The following FABP3 variants were observed in gnomAD, a reference collection of about 807,000 sequenced individuals.
FABP3 encodes fatty acid-binding protein, heart.
Under a neutral mutation model 13.4 loss-of-function variants are expected in FABP3, and 8 were observed. That is an observed-to-expected ratio of 0.60 (90% confidence interval 0.35 to 1.07). The LOEUF (loss-of-function observed/expected upper bound fraction) is 1.07, where lower values mean the gene tolerates loss of function less well. Ranked by LOEUF, FABP3 falls within the 50% of genes least tolerant of loss-of-function variation. The probability of loss-of-function intolerance (pLI) is 0.02; values close to 1 mark genes in which losing one functional copy is unlikely to be tolerated. For missense variants in FABP3, 135 were observed against 164.7 expected, an observed-to-expected ratio of 0.82 and a Z score of 0.99; for synonymous variants, 64 against 60.0, an observed-to-expected ratio of 1.07 and a Z score of -0.31.
At chr1:31,364,133 C>G (rs1442249258), downstream of FABP3, 3 of 1,613,824 alleles carry the variant, frequency 1.9e-6, no homozygotes, top group East Asian at 2.2e-5. Flanking sequence ...CATCAAAAGA[C>G]AGCAAGGCAG....
At chr1:31,366,351 C>T (rs1240214190) in intron 3 of FABP3, among the ~76,000 whole-genome samples, 1 of 152,140 alleles carries the variant, frequency 6.6e-6, no homozygotes, top group East Asian at 1.9e-4. Flanking sequence ...TGGCTACTAA[C>T]TCCAATCCTT....
intron 1 of FABP3, among the ~76,000 whole-genome samples, chr1:31,370,068 C>T (rs1205990449): frequency 2.0e-5 from 3 of 147,212 alleles, no homozygotes; most frequent in African/African-American, 7.6e-5. Context: ...TGTGCCACTG[C>T]ACTCCAGCCT....
chr1:31,372,287 C>T (rs1640221759), intron 1 of FABP3, among the ~76,000 whole-genome samples: 1 of 152,124 alleles, frequency 6.6e-6, no homozygotes, highest in Admixed American at 6.5e-5. Flanking sequence ...GGGCCTCTTG[C>T]CCCACCCTAC....
chr1:31,367,838 C>G (rs1029979863), intron 2 of FABP3, among the ~76,000 whole-genome samples: 5 of 152,196 alleles, frequency 3.3e-5, no homozygotes, highest in African/African-American at 1.2e-4. Context: ...GTAGCCTGGT[C>G]CCCTCAGATA....
Position 31,369,544 on chromosome 1 carries a change from A to T in FABP3, c.87T>A (p.Ala29=). Residue 29 remains alanine (A), a synonymous_variant, in exon 2 of 4, where the codon GCT becomes GCA. Coordinates refer to ENST00000373713, the MANE Select transcript of FABP3 (RefSeq NM_004102.5). ...DYMKSLGVGF[A]TRQVASMTKP... ...TGGTCATGCTGGCCACCTGCCTGGT[A>T]GCAAAACCCACACCTGAGGGTAGGG... 6.2e-7 allele frequency: 1 copy of T among 1,614,120 alleles called. No individual in the cohort carries two copies. The highest frequency in any genetic ancestry group is 8.5e-7 in the Non-Finnish European group (1 of 1,179,994).
intron 1 of FABP3, among the ~76,000 whole-genome samples, chr1:31,370,919 TG>T (rs1468744685): frequency 6.6e-6 from 1 of 152,252 alleles, no homozygotes; most frequent in East Asian, 1.9e-4. Context: ...CTACATGGGT[TG>T]TTTTACTTAA....
intron 1 of FABP3, among the ~76,000 whole-genome samples, chr1:31,371,871 G>C (rs1640215104): frequency 6.6e-6 from 1 of 152,192 alleles, no homozygotes; most frequent in Admixed American, 6.5e-5. Flanking sequence ...GAAGGGCTGA[G>C]GTCAATCATT....
chr1:31,363,918 T>C (rs1640028391), downstream of FABP3: 3 of 1,443,132 alleles, frequency 2.1e-6, no homozygotes, highest in South Asian at 3.2e-5. Flanking sequence ...CCACCTCGGC[T>C]TCCCAAAGTA....
At chr1:31,363,018 C>T (rs1235997220), downstream of FABP3, among the ~76,000 whole-genome samples, 3 of 151,978 alleles carry the variant, frequency 2.0e-5, no homozygotes, top group Non-Finnish European at 4.4e-5. Flanking sequence ...GTGTAACATA[C>T]ACAGTTTATA....
At chr1:31,359,594 T>C in the FABP3 span, among the ~76,000 whole-genome samples, 2 of 152,182 alleles carry the variant, frequency 1.3e-5, no homozygotes, top group African/African-American at 2.4e-5. Flanking sequence ...ATTCTCTTTT[T>C]TCAGTTTTTG....
downstream of FABP3, chr1:31,364,197 T>C (rs755133445): frequency 5.8e-5 from 93 of 1,610,728 alleles, no homozygotes; most frequent in Non-Finnish European, 7.7e-5. Flanking sequence ...GGAGTGAGAG[T>C]ATAAAGAGTG....
At chr1:31,360,165 GTGTTTTGTTT>G in the FABP3 span, among the ~76,000 whole-genome samples, 1 of 150,436 alleles carries the variant, frequency 6.6e-6, no homozygotes, top group Non-Finnish European at 1.5e-5. Flanking sequence ...TTGTGTGTGC[GTGTTTTGTTT>G]TGTTTTGTTT....
Position 31,365,597 on chromosome 1 carries a change from C to T in FABP3, c.*289G>A, listed in dbSNP as rs1640089492. On this transcript the variant is annotated 3_prime_UTR_variant, in exon 4 of 4. Transcript: ENST00000373713. ...GCCGTTATTTCTGCCCACTCTCTGA[C>T]ACACAGGATAAACCAAGACTCCCAG... 1 of 372,238 alleles carries T rather than the reference C, an allele frequency of 2.7e-6. No homozygotes were observed. The highest frequency in any genetic ancestry group is 4.0e-5 in the Admixed American group (1 of 25,026). The allele number at this position is 372,238 out of a possible 1,614,324, so 23.1% of individuals were successfully genotyped here. A position where few individuals can be genotyped will look rare whatever the true frequency, so the allele number is the denominator to read the frequency against.
chr1:31,366,057 T>TATGG (rs1458256909), intron 3 of FABP3, 118 bp from the exon 4 acceptor site: 1 of 732,046 alleles, frequency 1.4e-6, no homozygotes, highest in African/African-American at 2.7e-5. Context: ...CGGCTATATG[T>TATGG]ATGTATGTGT....
rs1317558409 is a variant in FABP3 at position 31,365,322 on chromosome 1, A to G, written c.*564T>C. ...GGAAAGGGAGAGACTACAGCATTTC[A>G]CAGAGAACAGCCAGACCCAAGAGCT... is the stretch of plus-strand genomic sequence containing the variant. On this transcript the variant is annotated 3_prime_UTR_variant, in exon 4 of 4. Transcript: ENST00000373713. Among the ~76,000 whole-genome samples, 1 of 152,186 alleles carries G rather than the reference A, an allele frequency of 6.6e-6. No homozygotes were observed. Among genetic ancestry groups the G allele is most frequent in the Non-Finnish European group, 1.5e-5 (1 of 68,032 alleles).
At chr1:31,364,406 G>T, downstream of FABP3, 4 of 797,232 alleles carry the variant, frequency 5.0e-6, no homozygotes, top group Admixed American at 1.2e-4. Context: ...ATCACTCCTG[G>T]TCCCTTTGCA....
At chr1:31,365,966 G>C (rs953055346) in intron 3 of FABP3, 27 bp from the exon 4 acceptor site, 10 of 1,610,842 alleles carry the variant, frequency 6.2e-6, no homozygotes, top group Non-Finnish European at 6.8e-6. Flanking sequence ...AGTGAGATGG[G>C]GGGTGGAGCC....
intron 2 of FABP3, among the ~76,000 whole-genome samples, chr1:31,368,889 G>A (rs756762844): frequency 2.6e-5 from 4 of 152,188 alleles, no homozygotes; most frequent in Admixed American, 6.5e-5. Context: ...AAGTTGAAGC[G>A]GCATCTGAGT....
chr1:31,371,176 G>C (rs548691321), intron 1 of FABP3, among the ~76,000 whole-genome samples: 42 of 152,330 alleles, frequency 2.8e-4, no homozygotes, highest in African/African-American at 9.9e-4. Context: ...TACAGCAGGA[G>C]GGGCAGGGGC....
Sources: allele counts gnomAD v4.1 joint callset (sites outside exome capture counted in the v4.1 genomes callset), GRCh38; gene constraint gnomAD v4.1.1; transcripts MANE v1.5; gene names NCBI Gene and HGNC (gene_info 2026-07-23, HGNC 2026-07-21).